Variants in PCSK6 observed in about 807,000 individuals in gnomAD.
PCSK6 encodes paired basic amino acid cleaving enzyme 4.
PCSK6 carries 85 observed loss-of-function variants against 123.3 expected under a neutral mutation model. That is an observed-to-expected ratio of 0.69 (90% CI 0.58 to 0.83). The LOEUF (loss-of-function observed/expected upper bound fraction) is 0.83, where lower values mean the gene tolerates loss of function less well. PCSK6 is among the 40% of genes least tolerant of loss of function. PCSK6 has a pLI of 0.00. For missense variants in PCSK6, 1,191 were observed against 1,282.3 expected (o/e 0.93, Z 1.09); for synonymous variants, 508 against 516.0 (o/e 0.98, Z 0.21).
In PCSK6 at chr15:101,324,163, T is replaced by C. The variant is rs2040195179; in HGVS notation, c.2377+687A>G. Among the ~76,000 whole-genome samples, 2 of 152,346 alleles carry C rather than the reference T, an allele frequency of 1.3e-5. 1 individual carries two copies. Among genetic ancestry groups the C allele is most frequent in the South Asian group, 4.1e-4 (2 of 4,828 alleles). On this transcript the variant is annotated intron_variant, in intron 17 of 21. Transcript: ENST00000611716. ...CCCTGCTCAGCTTTGATTCCCCATCTGTAGGACGAGGAAAACACTGCCTGT... is the reference window on the plus strand; with the variant it reads ...CCCTGCTCAGCTTTGATTCCCCATCCGTAGGACGAGGAAAACACTGCCTGT...
Position 101,398,082 on chromosome 15 carries a change from A to C in PCSK6, c.996+322T>G, listed in dbSNP as rs3784468. 6.6e-6 allele frequency among the ~76,000 whole-genome samples: 1 copy of C among 151,972 alleles called. No homozygotes were observed. The highest frequency in any genetic ancestry group is 1.5e-5 in the Non-Finnish European group (1 of 67,994). On this transcript the variant is annotated intron_variant, in intron 7 of 21. Coordinates refer to ENST00000611716, the MANE Select transcript of PCSK6 (RefSeq NM_002570.5). The surrounding 1 kb of genome is among the most constrained non-coding windows in gnomAD (Gnocchi z 4.6). ...AGTAACAGGCCAGGTGAGCTGCCTT[A>C]GACCCCCGTCACCCACCTGTGTACC... is the stretch of plus-strand genomic sequence containing the variant.
chr15:101,327,373 G>A (rs1477452588), intron 15 of PCSK6, among the ~76,000 whole-genome samples: 1 of 152,176 alleles, frequency 6.6e-6, no homozygotes, highest in East Asian at 1.9e-4. Flanking sequence ...GGCGGGGCAC[G>A]CTGCAGGGGT....
intron 3 of PCSK6, 142 bp from the exon 4 acceptor site, chr15:101,431,605 G>T: frequency 2.0e-6 from 2 of 988,708 alleles, no homozygotes; most frequent in Non-Finnish European, 3.1e-6. Context: ...ACATAGCAGA[G>T]CTCCTCTTTC....
chr15:101,428,045 G>T, intron 5 of PCSK6, 65 bp from the exon 6 acceptor site: 2 of 1,310,944 alleles, frequency 1.5e-6, no homozygotes, highest in South Asian at 1.3e-5. Context: ...TCAGTGCCTG[G>T]CTCAGTTCAA....
intron 1 of PCSK6, among the ~76,000 whole-genome samples, chr15:101,445,741 G>C (rs1200157713): frequency 6.6e-6 from 1 of 152,212 alleles, no homozygotes; most frequent in African/African-American, 2.4e-5. Flanking sequence ...TTTTAACTCT[G>C]GGCATTCGAG....
At chr15:101,420,190 C>CAACAAAA (rs2056037318) in intron 6 of PCSK6, among the ~76,000 whole-genome samples, 1 of 84,470 alleles carries the variant, frequency 1.2e-5, no homozygotes, top group Non-Finnish European at 2.5e-5. Flanking sequence ...GATTCTGTCT[C>CAACAAAA]AAAAAAAAAA....
At position 101,456,696 on chromosome 15, in the gene PCSK6, A is replaced by G. The variant is rs918316417; in HGVS notation, c.298-13036T>C. 1.2e-4 allele frequency among the ~76,000 whole-genome samples: 18 copies of G among 152,306 alleles called. 2 individuals carry two copies. Among genetic ancestry groups the G allele is most frequent in the South Asian group, 8.3e-4 (4 of 4,824 alleles). On this transcript the variant is annotated intron_variant, in intron 1 of 21. Transcript: ENST00000611716. ...CCCCTGGATAAAAACAGGGACCCAC[A>G]TTCTTAGAAGCTGGAGTCCTAGCAG...
rs56222739 is a variant in PCSK6 at position 101,394,144 on chromosome 15, G to GTT, written c.997-722_997-721dup. Among the ~76,000 whole-genome samples the GTT allele has an allele frequency of 5.1e-3, 715 of 141,468 alleles. 2 individuals are homozygous for GTT. The highest frequency in any genetic ancestry group is 7.1e-3 in the African/African-American group (272 of 38,058). The allele number at this position is 141,468 out of a possible 152,430, so 92.8% of individuals were successfully genotyped here. The stretch of plus-strand genomic sequence containing the variant: ...TTTTCTTTCCGTTTTTTTGTTTTTT[G>GTT]TTTTTTTTTTTTTGAGACAGGGGTC... On this transcript the variant is annotated intron_variant, in intron 7 of 21. Transcript: ENST00000611716.
intron 19 of PCSK6, among the ~76,000 whole-genome samples, chr15:101,315,392 G>T (rs1347238424): frequency 6.6e-6 from 1 of 152,144 alleles, no homozygotes; most frequent in Non-Finnish European, 1.5e-5. Context: ...GTCTTTTAAG[G>T]ATTCCATTAA....
chr15:101,489,152 A>C lies in PCSK6; in HGVS notation c.297+222T>G, dbSNP rs1435338124. The stretch of plus-strand genomic sequence containing the variant: ...GGACCTGCGTGGGCGCCCACGCGGG[A>C]CCCCAGTCCCCCCCACCCCGCCGAG... On this transcript the variant is annotated intron_variant, in intron 1 of 21. Coordinates refer to ENST00000611716, the MANE Select transcript of PCSK6 (RefSeq NM_002570.5). Among the ~76,000 whole-genome samples, 154 of 115,954 alleles carry C rather than the reference A, an allele frequency of 1.3e-3. 3 individuals carry two copies. The highest frequency in any genetic ancestry group is 1.7e-3 in the Non-Finnish European group (95 of 56,890). 76.1% of individuals were successfully genotyped at this position (115,954 alleles called of 152,430 possible). A position where few individuals can be genotyped will look rare whatever the true frequency, so the allele number is the denominator to read the frequency against.
intron 10 of PCSK6, 185 bp downstream of exon 10, chr15:101,384,137 G>A (rs879744569): frequency 1.9e-5 from 26 of 1,398,744 alleles, no homozygotes; most frequent in Middle Eastern, 2.4e-4. Context: ...GGGTTCTTCC[G>A]TAATGTCACT....
chr15:101,319,947 T>C (rs1567139900), intron 18 of PCSK6, among the ~76,000 whole-genome samples: 1 of 152,102 alleles, frequency 6.6e-6, no homozygotes, highest in African/African-American at 2.4e-5. Context: ...GCAAGTCCGA[T>C]TTATGGCTGG....
At chr15:101,416,651 G>A (rs938758282) in intron 6 of PCSK6, among the ~76,000 whole-genome samples, 2 of 152,238 alleles carry the variant, frequency 1.3e-5, no homozygotes, top group African/African-American at 2.4e-5. Context: ...CATGGGCCAC[G>A]CCCAGGGTCC....
chr15:101,384,231 C>T (rs2041992889), intron 10 of PCSK6, 91 bp downstream of exon 10: 2 of 1,551,074 alleles, frequency 1.3e-6, no homozygotes, highest in Non-Finnish European at 1.8e-6. Context: ...ACAACTAATG[C>T]TATTTGGAGA....
Position 101,489,600 on chromosome 15 carries a change from G to T in PCSK6, c.71C>A (p.Ala24Asp), listed in dbSNP as rs1567268724. 1.0e-6 allele frequency: 1 copy of T among 976,294 alleles called. No homozygotes were observed. Among genetic ancestry groups the T allele is most frequent in the Non-Finnish European group, 1.2e-6 (1 of 825,688 alleles). The allele number at this position is 976,294 out of a possible 1,614,324, so 60.5% of individuals were successfully genotyped here. A position where few individuals can be genotyped will look rare whatever the true frequency, so the allele number is the denominator to read the frequency against. The change falls in exon 1 of 22, where the codon GCC becomes GAC. Residue 24 changes from alanine to aspartate, a missense_variant. Physicochemically the swap from Ala to Asp is moderately radical, Grantham distance 126 (BLOSUM62 -2). Transcript: ENST00000611716. Reference protein sequence around the residue: ...PPRAAAATDTAAGAGGAGGAG... With the variant: ...PPRAAAATDTDAGAGGAGGAG... ...GCCCCCCGCGCCCCCCGCGCCCGCGGCGGTGTCGGTGGCGGCGGCGGCCCG... is the reference window on the plus strand; with the variant it reads ...GCCCCCCGCGCCCCCCGCGCCCGCGTCGGTGTCGGTGGCGGCGGCGGCCCG...
intron 13 of PCSK6, 139 bp from the exon 14 acceptor site, chr15:101,332,170 G>A (rs1441405210): frequency 1.1e-5 from 8 of 713,106 alleles, no homozygotes; most frequent in African/African-American, 1.8e-5. Context: ...TTACCTGCTG[G>A]CCAGCTGTGC....
chr15:101,365,417 C>T (rs192282074), intron 13 of PCSK6, among the ~76,000 whole-genome samples: 233 of 152,238 alleles, frequency 1.5e-3, no homozygotes, highest in South Asian at 0.015. Flanking sequence ...TAAGTGTTAA[C>T]GAGAATGTGA....
rs533272173 is a variant in PCSK6, at chr15:101,430,101, A to G, written c.658-38T>C. 4.2e-5 allele frequency: 65 copies of G among 1,552,484 alleles called. No homozygotes were observed. The African/African-American group carries it at 5.3e-4, about 13-fold the overall frequency. On this transcript the variant is annotated intron_variant, in intron 4 of 21. Coordinates refer to ENST00000611716, the MANE Select transcript of PCSK6 (RefSeq NM_002570.5). The stretch of plus-strand genomic sequence containing the variant: ...ATCGTGGTGAGTGAGGAGAAATGGC[A>G]TGTGACAGCTCTGTTTGAAATGGAT...
At chr15:101,367,699 A>G (rs551811293) in intron 12 of PCSK6, among the ~76,000 whole-genome samples, 1 of 152,386 alleles carries the variant, frequency 6.6e-6, no homozygotes, top group South Asian at 2.1e-4. Context: ...TAAGATGTGC[A>G]GTAGGATAGG....
Sources: gnomAD v4.1 joint callset for allele counts (sites outside exome capture counted in the v4.1 genomes callset) on GRCh38, gnomAD v4.1.1 for gene constraint, Gnocchi (gnomAD v3.1) non-coding constraint, MANE v1.5 for transcripts, NCBI Gene and HGNC (gene_info 2026-07-23, HGNC 2026-07-21) for gene names.